The following PAG1 variants were observed in gnomAD, a reference collection of about 807,000 sequenced individuals.
PAG1 encodes the protein phosphoprotein membrane anchor with glycosphingolipid microdomains 1.
PAG1 carries 23 observed loss-of-function variants against 31.7 expected under a neutral mutation model. The ratio of observed to expected loss-of-function variants is 0.73; its 90% CI spans 0.52 to 1.03. PAG1 has a LOEUF of 1.03. Ranked by LOEUF, PAG1 falls within the 50% of genes least tolerant of loss-of-function variation. The pLI, the probability that PAG1 is intolerant of heterozygous loss-of-function variation, is 0.00. For missense variants in PAG1, 473 were observed against 540.7 expected (o/e 0.87, Z 1.24); for synonymous variants, 214 against 210.3 (o/e 1.02, Z -0.15).
At chr8:81,076,913 A>G (rs987521212) in intron 1 of PAG1, among the ~76,000 whole-genome samples, 1 of 152,240 alleles carries the variant, frequency 6.6e-6, no homozygotes, top group East Asian at 1.9e-4. Context: ...GCTGTTATGC[A>G]TAATTAGGCA....
At chr8:81,088,321 T>G (rs949643484) in intron 1 of PAG1, among the ~76,000 whole-genome samples, 5 of 152,216 alleles carry the variant, frequency 3.3e-5, no homozygotes, top group Non-Finnish European at 5.9e-5. Flanking sequence ...AAAGAATAGT[T>G]CCTGGCACTA....
chr8:81,031,203 T>G (rs767606923), intron 2 of PAG1, among the ~76,000 whole-genome samples: 29 of 152,264 alleles, frequency 1.9e-4, no homozygotes, highest in Admixed American at 3.3e-4. Context: ...AGTGAGAAAC[T>G]GCTGTCTTTT....
intron 3 of PAG1, among the ~76,000 whole-genome samples, chr8:80,996,691 GC>G (rs1454797545): frequency 1.3e-5 from 2 of 152,156 alleles, no homozygotes; most frequent in African/African-American, 4.8e-5. Flanking sequence ...GAGGGTAGAG[GC>G]CTCATGCAGA....
At chr8:81,084,848 C>A (rs1483569176) in intron 1 of PAG1, among the ~76,000 whole-genome samples, 1 of 152,004 alleles carries the variant, frequency 6.6e-6, no homozygotes, top group Non-Finnish European at 1.5e-5. Context: ...TTATTATAAG[C>A]AAAATGTACA....
chr8:81,086,470 T>C (rs2131040770), intron 1 of PAG1, among the ~76,000 whole-genome samples: 1 of 152,198 alleles, frequency 6.6e-6, no homozygotes, highest in East Asian at 1.9e-4. Context: ...TTACTCTCAC[T>C]GTTAGGGAAG....
chr8:80,983,221 T>C (rs1243916543), intron 7 of PAG1, among the ~76,000 whole-genome samples: 1 of 152,186 alleles, frequency 6.6e-6, no homozygotes, highest in African/African-American at 2.4e-5. Flanking sequence ...TCACGTGCTC[T>C]TTCCACAAAA....
intron 3 of PAG1, among the ~76,000 whole-genome samples, chr8:80,999,901 A>G (rs913091640): frequency 6.6e-6 from 1 of 152,190 alleles, no homozygotes; most frequent in South Asian, 2.1e-4. Context: ...AGAGAGAGAC[A>G]GAGAGAGACA....
rs114111973 is a variant in PAG1, at chr8:81,060,978, T to C, written c.-175+9134A>G. ...CAGCCTCTCTGCTCCCTTGAAAGAA[T>C]AGCTTCATTCATACACATTCCAAAT... On this transcript the variant is annotated intron_variant, in intron 2 of 8. Transcript: ENST00000220597. 3.0e-3 allele frequency among the ~76,000 whole-genome samples: 464 copies of C among 152,364 alleles called. 2 individuals are homozygous for C. Among genetic ancestry groups the C allele is most frequent in the African/African-American group, 0.01 (422 of 41,582 alleles).
At chr8:81,010,835 C>T (rs1291328848) in intron 3 of PAG1, among the ~76,000 whole-genome samples, 2 of 152,346 alleles carry the variant, frequency 1.3e-5, no homozygotes, top group East Asian at 3.9e-4. Flanking sequence ...CATGACTTCT[C>T]ATGTGCTTTT....
rs1807084420 is a variant in PAG1 at position 80,971,848 on chromosome 8, A to C, written c.*4696T>G. ...AAAAATGAGCAGTAGGATAAAAAAA[A>C]CCATGAATGTTTGTTCTCTTCTGGA... is the stretch of plus-strand genomic sequence containing the variant. On this transcript the variant is annotated 3_prime_UTR_variant, in exon 9 of 9. Coordinates refer to ENST00000220597, the MANE Select transcript of PAG1 (RefSeq NM_018440.4). 1 of 152,248 alleles carries C rather than the reference A, an allele frequency of 6.6e-6. No homozygotes were observed. The highest frequency in any genetic ancestry group is 1.5e-5 in the Non-Finnish European group (1 of 68,032). The allele number at this position is 152,248 out of a possible 1,614,324, so 9.4% of individuals were successfully genotyped here. A position where few individuals can be genotyped will look rare whatever the true frequency, so the allele number is the denominator to read the frequency against.
At chr8:81,066,321 G>T (rs768810949) in intron 2 of PAG1, among the ~76,000 whole-genome samples, 1 of 152,170 alleles carries the variant, frequency 6.6e-6, no homozygotes, top group Non-Finnish European at 1.5e-5. Flanking sequence ...TGCAAGCATC[G>T]CAAATGCACT....
At position 81,083,240 on chromosome 8, in the gene PAG1, G is replaced by A. The variant is rs181617408; in HGVS notation, c.-233-13070C>T. Reference sequence around the variant, plus strand: ...GGCCTCCAACAATACTTCCTGGCTGGGAGAAACAGTGTTTCTGGTTCCCAC... The same window carrying A: ...GGCCTCCAACAATACTTCCTGGCTGAGAGAAACAGTGTTTCTGGTTCCCAC... On this transcript the variant is annotated intron_variant, in intron 1 of 8. Transcript: ENST00000220597. Among the ~76,000 whole-genome samples, 834 of 152,208 alleles carry A rather than the reference G, an allele frequency of 5.5e-3. 9 individuals are homozygous for A. The highest frequency in any genetic ancestry group is 0.041 in the South Asian group (199 of 4,820).
At position 80,995,544 on chromosome 8, in the gene PAG1, G is replaced by T. The variant is rs141980013; in HGVS notation, c.-80-2237C>A. ...AAGCAGCTAAATCATGATGACCAATGAAAATATATAAAATACATTTTTATA... is the reference window on the plus strand; with the variant it reads ...AAGCAGCTAAATCATGATGACCAATTAAAATATATAAAATACATTTTTATA... On this transcript the variant is annotated intron_variant, in intron 3 of 8. Coordinates refer to ENST00000220597, the MANE Select transcript of PAG1 (RefSeq NM_018440.4). Among the ~76,000 whole-genome samples the T allele has an allele frequency of 8.9e-3, 1,360 of 152,280 alleles. 16 individuals carry two copies. The highest frequency in any genetic ancestry group is 0.027 in the African/African-American group (1,118 of 41,546).
chr8:80,984,866 A>C lies in PAG1; in HGVS notation c.786T>G (p.Val262=). ...GGTTTTCATTCTCGTCCAGAAGCTT[A>C]ACAGGGACAGGTGGTGGGGCCTCCT... ...PEEEAPPPVP[V]KLLDENENLQ... Residue 262 remains valine, a synonymous_variant, in exon 7 of 9, where the codon GTT becomes GTG. Coordinates refer to ENST00000220597, the MANE Select transcript of PAG1 (RefSeq NM_018440.4). 1 of 1,614,118 alleles carries C rather than the reference A, an allele frequency of 6.2e-7. No homozygotes were observed. Among genetic ancestry groups the C allele is most frequent in the Non-Finnish European group, 8.5e-7 (1 of 1,179,992 alleles).
At chr8:80,977,707 T>C (rs905759978) in intron 8 of PAG1, among the ~76,000 whole-genome samples, 1 of 152,188 alleles carries the variant, frequency 6.6e-6, no homozygotes, top group Non-Finnish European at 1.5e-5. Context: ...CAGGATACTA[T>C]TAAGAGCCAG....
intron 2 of PAG1, among the ~76,000 whole-genome samples, chr8:81,034,013 C>T (rs1808423399): frequency 6.6e-6 from 1 of 152,236 alleles, no homozygotes; most frequent in African/African-American, 2.4e-5. Context: ...CAGCAATCTA[C>T]TCCAAATTCA....
chr8:81,076,789 C>T (rs1809185722), intron 1 of PAG1, among the ~76,000 whole-genome samples: 1 of 152,162 alleles, frequency 6.6e-6, no homozygotes, highest in Non-Finnish European at 1.5e-5. Context: ...ACATTTATTA[C>T]TCAATATTTA....
chr8:81,046,331 C>G (rs1808640614), intron 2 of PAG1, among the ~76,000 whole-genome samples: 1 of 152,166 alleles, frequency 6.6e-6, no homozygotes, highest in Non-Finnish European at 1.5e-5. Context: ...AAGCAGGCAT[C>G]CTGGTGTTTA....
At chr8:81,006,633 T>C (rs1807882136) in intron 3 of PAG1, among the ~76,000 whole-genome samples, 1 of 152,162 alleles carries the variant, frequency 6.6e-6, no homozygotes, top group Non-Finnish European at 1.5e-5. Flanking sequence ...ATTCTGAACA[T>C]CTTTAAAATC....
Sources: gnomAD v4.1 joint callset for allele counts (sites outside exome capture counted in the v4.1 genomes callset) on GRCh38, gnomAD v4.1.1 for gene constraint, MANE v1.5 for transcripts, NCBI Gene and HGNC (gene_info 2026-07-23, HGNC 2026-07-21) for gene names.